Variants in TAFA1 observed in about 807,000 individuals in gnomAD.
TAFA1 encodes chemokine-like protein TAFA-1.
TAFA1 carries 4 observed loss-of-function variants against 18.5 expected under a neutral mutation model. That is an observed-to-expected ratio of 0.22 (90% CI 0.11 to 0.49). The LOEUF is 0.49. Among genes scored for constraint, TAFA1 ranks in the 20% least tolerant of loss-of-function variants. The pLI, the probability that TAFA1 is intolerant of heterozygous loss-of-function variation, is 0.98. For synonymous variants in TAFA1, 56 were observed against 55.2 expected (o/e 1.01, Z -0.06); for missense variants, 147 against 169.0 (o/e 0.87, Z 0.72).
At chr3:68,318,325 T>C (rs1470156626) in intron 2 of TAFA1, among the ~76,000 whole-genome samples, 1 of 152,180 alleles carries the variant, frequency 6.6e-6, no homozygotes, top group Non-Finnish European at 1.5e-5. Context: ...ATGATTGAGT[T>C]TTATGGAAAA....
intron 2 of TAFA1, among the ~76,000 whole-genome samples, chr3:68,009,741 C>G (rs1704433810): frequency 6.6e-6 from 1 of 152,260 alleles, no homozygotes; most frequent in East Asian, 1.9e-4. Context: ...TCCAGTCAGA[C>G]TCTTTAATAC....
chr3:68,096,366 C>G (rs538794264), intron 2 of TAFA1, among the ~76,000 whole-genome samples: 1 of 152,152 alleles, frequency 6.6e-6, no homozygotes, highest in African/African-American at 2.4e-5. Context: ...TCTTTGCCAT[C>G]CACATATTAA....
chr3:68,334,208 GA>G (rs1420261887), intron 2 of TAFA1, among the ~76,000 whole-genome samples: 10 of 152,128 alleles, frequency 6.6e-5, no homozygotes, highest in Admixed American at 3.3e-4. Context: ...TTGTGGTAAT[GA>G]TTTTACTATG....
chr3:68,477,586 G>T (rs1158948199), intron 3 of TAFA1, among the ~76,000 whole-genome samples: 2 of 151,692 alleles, frequency 1.3e-5, no homozygotes, highest in African/African-American at 2.4e-5. Flanking sequence ...TCACTATGTT[G>T]GTCAGGCTGG....
chr3:68,167,861 G>A (rs1205189947), intron 2 of TAFA1, among the ~76,000 whole-genome samples: 1 of 152,064 alleles, frequency 6.6e-6, no homozygotes, highest in Non-Finnish European at 1.5e-5. Context: ...CTGTGCAACA[G>A]AGACATTGTC....
At chr3:68,208,335 G>A (rs1480558467) in intron 2 of TAFA1, among the ~76,000 whole-genome samples, 1 of 151,872 alleles carries the variant, frequency 6.6e-6, no homozygotes, top group African/African-American at 2.4e-5. Context: ...TTTCAGCTAA[G>A]TAGTTACAGC....
At chr3:68,496,490 G>T (rs1849230) in intron 3 of TAFA1, among the ~76,000 whole-genome samples, 30,972 of 152,070 alleles carry the variant, frequency 0.2, 3,281 homozygotes, top group Middle Eastern at 0.24. Flanking sequence ...AGGTTCTCCA[G>T]TTAACAGACT....
intron 2 of TAFA1, among the ~76,000 whole-genome samples, chr3:68,385,203 G>C: frequency 6.6e-6 from 1 of 152,092 alleles, no homozygotes; most frequent in East Asian, 1.9e-4. Context: ...AGATAATGTA[G>C]CATCTAGACT....
chr3:68,350,303 C>T (rs1210248346), intron 2 of TAFA1, among the ~76,000 whole-genome samples: 5 of 152,110 alleles, frequency 3.3e-5, no homozygotes, highest in Non-Finnish European at 7.4e-5. Flanking sequence ...GTGTTATATA[C>T]AATGAGAGAC....
intron 2 of TAFA1, among the ~76,000 whole-genome samples, chr3:68,259,445 TTAAAG>T (rs1476275376): frequency 2.6e-5 from 4 of 152,298 alleles, no homozygotes; most frequent in Admixed American, 2.0e-4. Flanking sequence ...CAGATGAACT[TTAAAG>T]TAGTTTTTTC....
In TAFA1 at chr3:68,505,413, A is replaced by G. The variant is rs556831134; in HGVS notation, c.260-33343A>G. On this transcript the variant is annotated intron_variant, in intron 3 of 4. Transcript: ENST00000478136. ...TTTAAATTCATCTCTGTTACTTTGT[A>G]TTACTTTTCTATTTCTGCAAACCAC... 3.9e-5 allele frequency among the ~76,000 whole-genome samples: 6 copies of G among 152,260 alleles called. No homozygotes were observed. The South Asian group carries it at 1.0e-3, about 26-fold the overall frequency.
chr3:68,014,928 A>G (rs1704539631), intron 2 of TAFA1, among the ~76,000 whole-genome samples: 1 of 152,178 alleles, frequency 6.6e-6, no homozygotes, highest in African/African-American at 2.4e-5. Flanking sequence ...TGATGGCTCT[A>G]TCCTACCTGC....
intron 2 of TAFA1, among the ~76,000 whole-genome samples, chr3:68,039,858 G>T (rs755800799): frequency 6.6e-6 from 1 of 152,146 alleles, no homozygotes; most frequent in African/African-American, 2.4e-5. Flanking sequence ...ATACCTCAGA[G>T]AAGTCCCATT....
chr3:68,200,259 C>A (rs138615777), intron 2 of TAFA1, among the ~76,000 whole-genome samples: 62 of 151,502 alleles, frequency 4.1e-4, no homozygotes, highest in African/African-American at 1.4e-3. Flanking sequence ...GGATTTTTGC[C>A]TCTAAGTTCA....
intron 2 of TAFA1, among the ~76,000 whole-genome samples, chr3:68,211,667 G>A (rs2066598894): frequency 6.6e-6 from 1 of 152,090 alleles, no homozygotes; most frequent in Admixed American, 6.6e-5. Flanking sequence ...GGCTGCATAA[G>A]CAGCATGGTG....
chr3:68,271,982 T>TGGG (rs1352617275), intron 2 of TAFA1, among the ~76,000 whole-genome samples: 2 of 152,152 alleles, frequency 1.3e-5, no homozygotes, highest in Non-Finnish European at 2.9e-5. Context: ...ATTTGCACTG[T>TGGG]GTAACTATAA....
chr3:68,383,605 G>A (rs1335422899), intron 2 of TAFA1, among the ~76,000 whole-genome samples: 2 of 152,028 alleles, frequency 1.3e-5, no homozygotes, highest in Non-Finnish European at 2.9e-5. Context: ...AAGGATTTTT[G>A]CGTTGATGTT....
chr3:68,488,465 C>G (rs1469963344), intron 3 of TAFA1, among the ~76,000 whole-genome samples: 2 of 152,134 alleles, frequency 1.3e-5, no homozygotes. Flanking sequence ...ACTTTGCATC[C>G]TTCAATACAA....
At chr3:68,477,266 A>G (rs2072117258) in intron 3 of TAFA1, among the ~76,000 whole-genome samples, 1 of 152,026 alleles carries the variant, frequency 6.6e-6, no homozygotes, top group African/African-American at 2.4e-5. Flanking sequence ...TTTCCTTCTC[A>G]TTACTATATA....
Sources: gnomAD v4.1 joint callset for allele counts (sites outside exome capture counted in the v4.1 genomes callset) on GRCh38, gnomAD v4.1.1 for gene constraint, MANE v1.5 for transcripts, NCBI Gene and HGNC (gene_info 2026-07-23, HGNC 2026-07-21) for gene names.